ZNF804B: variants seen among roughly 807,000 people sequenced by gnomAD.
ZNF804B encodes the protein zinc finger protein 804B.
In ZNF804B, 80 loss-of-function variants were observed where a neutral mutation model predicts 101.4. The ratio of observed to expected loss-of-function variants is 0.79; its 90% CI spans 0.66 to 0.95. ZNF804B has a LOEUF of 0.95. Among genes scored for constraint, ZNF804B ranks in the 40% least tolerant of loss-of-function variants. The probability of loss-of-function intolerance (pLI) is 0.00; values close to 1 mark genes in which losing one functional copy is unlikely to be tolerated. For missense variants in ZNF804B, 1,673 were observed against 1,561.9 expected, an observed-to-expected ratio of 1.07 and a Z score of -1.20; for synonymous variants, 622 against 558.8, an observed-to-expected ratio of 1.11 and a Z score of -1.59.
intron 1 of ZNF804B, among the ~76,000 whole-genome samples, chr7:89,010,372 T>C (rs1223522715): frequency 1.3e-5 from 2 of 152,114 alleles, no homozygotes; most frequent in Non-Finnish European, 2.9e-5. Context: ...TGATATAAAG[T>C]GGGGAAAAAA....
At chr7:89,233,234 C>CT (rs1047771513) in intron 2 of ZNF804B, among the ~76,000 whole-genome samples, 1 of 151,972 alleles carries the variant, frequency 6.6e-6, no homozygotes, top group Non-Finnish European at 1.5e-5. Context: ...CCAATTTATT[C>CT]TTTTTTAAAG....
chr7:88,792,350 A>C (rs1358461069), intron 1 of ZNF804B, among the ~76,000 whole-genome samples: 1 of 152,110 alleles, frequency 6.6e-6, no homozygotes, highest in Admixed American at 6.6e-5. Context: ...TAAATATATA[A>C]TTTTTATCCA....
At chr7:89,078,622 T>G (rs73391243) in intron 1 of ZNF804B, among the ~76,000 whole-genome samples, 3,480 of 151,688 alleles carry the variant, frequency 0.023, 163 homozygotes, top group African/African-American at 0.08. Flanking sequence ...AACACAATAT[T>G]GCAATTTGTC....
At chr7:88,820,531 A>G (rs1790960731) in intron 1 of ZNF804B, among the ~76,000 whole-genome samples, 1 of 151,922 alleles carries the variant, frequency 6.6e-6, no homozygotes, top group Non-Finnish European at 1.5e-5. Flanking sequence ...TTCCATGGGG[A>G]CTTGATCTGA....
At chr7:89,003,844 C>G (rs1788326830) in intron 1 of ZNF804B, among the ~76,000 whole-genome samples, 1 of 151,806 alleles carries the variant, frequency 6.6e-6, no homozygotes, top group African/African-American at 2.4e-5. Context: ...AAAACCCATG[C>G]CTTTATGGTA....
chr7:89,167,125 T>C (rs1269991525), intron 1 of ZNF804B, among the ~76,000 whole-genome samples: 4 of 152,116 alleles, frequency 2.6e-5, no homozygotes, highest in African/African-American at 9.7e-5. Flanking sequence ...GTTTGTCTGC[T>C]AGTTTTTTTG....
intron 2 of ZNF804B, among the ~76,000 whole-genome samples, chr7:89,278,794 A>C (rs1263823773): frequency 6.6e-6 from 1 of 151,238 alleles, no homozygotes; most frequent in East Asian, 1.9e-4. Context: ...TGATGCCTCC[A>C]GCTTTGTTCT....
chr7:88,950,025 A>G (rs1235233037), intron 1 of ZNF804B, among the ~76,000 whole-genome samples: 1 of 151,958 alleles, frequency 6.6e-6, no homozygotes, highest in East Asian at 1.9e-4. Context: ...TTATATAGAC[A>G]TGCAATTTAT....
intron 2 of ZNF804B, among the ~76,000 whole-genome samples, chr7:89,228,471 G>A (rs1253348962): frequency 1.3e-5 from 2 of 151,846 alleles, no homozygotes; most frequent in Non-Finnish European, 2.9e-5. Flanking sequence ...CTCCCCACCA[G>A]AGTAGCTAGA....
intron 1 of ZNF804B, among the ~76,000 whole-genome samples, chr7:89,000,927 A>G (rs941514156): frequency 2.0e-5 from 3 of 147,854 alleles, no homozygotes; most frequent in Non-Finnish European, 3.0e-5. Flanking sequence ...ATCTAATATA[A>G]TATATGTATA....
rs182435494 is a variant in ZNF804B, at chr7:89,043,070, T to C, written c.109-175085T>C. On this transcript the variant is annotated intron_variant, in intron 1 of 3. Coordinates refer to ENST00000333190, the MANE Select transcript of ZNF804B (RefSeq NM_181646.5). ...TGTATGTGTAAAACAAATATGGAAA[T>C]CAAGGACAGCTGTACAATAAATCAA... Among the ~76,000 whole-genome samples the C allele has an allele frequency of 1.0e-3, 153 of 152,270 alleles. 1 individual carries two copies. The highest frequency in any genetic ancestry group is 3.5e-3 in the African/African-American group (145 of 41,572).
chr7:89,024,833 T>G (rs899594125), intron 1 of ZNF804B, among the ~76,000 whole-genome samples: 1 of 151,866 alleles, frequency 6.6e-6, no homozygotes, highest in Admixed American at 6.6e-5. Flanking sequence ...TGTTAAAATT[T>G]ATGGAGAGTA....
At chr7:88,872,422 GA>G (rs1389651684) in intron 1 of ZNF804B, among the ~76,000 whole-genome samples, 1 of 151,672 alleles carries the variant, frequency 6.6e-6, no homozygotes, top group African/African-American at 2.4e-5. Flanking sequence ...CTCCCTAAAA[GA>G]AAAAAATAAA....
intron 2 of ZNF804B, among the ~76,000 whole-genome samples, chr7:89,251,964 AC>A (rs2115790221): frequency 6.6e-6 from 1 of 152,316 alleles, no homozygotes; most frequent in African/African-American, 2.4e-5. Flanking sequence ...CTAGAAGAGA[AC>A]CTAAGAAATG....
chr7:89,215,855 G>C (rs543851642), intron 1 of ZNF804B, among the ~76,000 whole-genome samples: 118 of 150,684 alleles, frequency 7.8e-4, no homozygotes, highest in African/African-American at 2.8e-3. Context: ...CTGCACTCCA[G>C]CCTGGGCAAC....
At chr7:89,143,344 G>A (rs750801698) in intron 1 of ZNF804B, among the ~76,000 whole-genome samples, 10 of 151,810 alleles carry the variant, frequency 6.6e-5, no homozygotes, top group Non-Finnish European at 1.0e-4. Flanking sequence ...CTTTAGGATG[G>A]ATGGAGTTAG....
chr7:89,296,653 A>G (rs1027562293), intron 2 of ZNF804B, among the ~76,000 whole-genome samples: 1 of 152,100 alleles, frequency 6.6e-6, no homozygotes, highest in Non-Finnish European at 1.5e-5. Flanking sequence ...TGTTGTGTGT[A>G]GTAGACCCCA....
intron 1 of ZNF804B, among the ~76,000 whole-genome samples, chr7:88,966,805 TA>T (rs1442304937): frequency 6.6e-6 from 1 of 151,348 alleles, no homozygotes; most frequent in East Asian, 2.0e-4. Flanking sequence ...AGAGAGAGAT[TA>T]AAAAAACATT....
At chr7:88,957,427 C>T (rs1488464269) in intron 1 of ZNF804B, among the ~76,000 whole-genome samples, 2 of 151,282 alleles carry the variant, frequency 1.3e-5, no homozygotes, top group Admixed American at 1.3e-4. Flanking sequence ...ACCTCAAGCA[C>T]AATTATACAC....
Sources: gnomAD v4.1 joint callset for allele counts (sites outside exome capture counted in the v4.1 genomes callset) on GRCh38, gnomAD v4.1.1 for gene constraint, MANE v1.5 for transcripts, NCBI Gene and HGNC (gene_info 2026-07-23, HGNC 2026-07-21) for gene names.